NELL2: variants seen among roughly 807,000 people sequenced by gnomAD.
NELL2 encodes the protein neural EGFL like 2, also known as protein kinase C-binding protein NELL2.
In NELL2, 41 loss-of-function variants were observed where a neutral mutation model predicts 109.6. That is an observed-to-expected ratio of 0.37 (90% confidence interval 0.29 to 0.49). NELL2 has a LOEUF of 0.49. Among genes scored for constraint, NELL2 ranks in the 20% least tolerant of loss-of-function variants. The probability of loss-of-function intolerance (pLI) is 0.98; values close to 1 mark genes in which losing one functional copy is unlikely to be tolerated. For missense variants in NELL2, 900 were observed against 1,008.3 expected (o/e 0.89, Z 1.45); for synonymous variants, 355 against 344.7 (o/e 1.03, Z -0.33).
intron 11 of NELL2, among the ~76,000 whole-genome samples, chr12:44,706,471 G>T (rs1937885128): frequency 6.6e-6 from 1 of 152,084 alleles, no homozygotes; most frequent in Admixed American, 6.6e-5. Context: ...ATTCATATGT[G>T]CTTGGCTATT....
At chr12:44,915,907 G>A (rs1790790637), upstream of NELL2, among the ~76,000 whole-genome samples, 5 of 152,172 alleles carry the variant, frequency 3.3e-5, no homozygotes, top group Admixed American at 3.3e-4. Flanking sequence ...ATCAGTCCCT[G>A]CAATTTGTTT....
chr12:44,921,306 A>C (rs956618576), intron 1 of NELL2, among the ~76,000 whole-genome samples: 1 of 152,334 alleles, frequency 6.6e-6, no homozygotes, highest in African/African-American at 2.4e-5. Flanking sequence ...TATTGTGCAC[A>C]AAATACTAAG....
chr12:44,890,210 AGCT>A (rs1945518166), intron 1 of NELL2, among the ~76,000 whole-genome samples: 1 of 152,184 alleles, frequency 6.6e-6, no homozygotes, highest in African/African-American at 2.4e-5. Context: ...ATAAAGAAAG[AGCT>A]GCTGAGTGAG....
intron 1 of NELL2, among the ~76,000 whole-genome samples, chr12:44,883,118 G>A (rs974597032): frequency 1.3e-5 from 2 of 151,236 alleles, no homozygotes; most frequent in South Asian, 2.1e-4. Flanking sequence ...CAAAATGCTA[G>A]GATTATGGGT....
intron 8 of NELL2, among the ~76,000 whole-genome samples, chr12:44,775,238 T>TGTGCGTGCGCACGCACGCACACACACAG (rs1941709224): frequency 6.7e-6 from 1 of 148,806 alleles, no homozygotes; most frequent in African/African-American, 2.6e-5. Flanking sequence ...CACACACACA[T>TGTGCGTGCGCACGCACGCACACACACAG]GCATGTGCGT....
At chr12:44,681,228 C>A (rs1948487621) in intron 12 of NELL2, among the ~76,000 whole-genome samples, 2 of 149,728 alleles carry the variant, frequency 1.3e-5, no homozygotes, top group South Asian at 4.2e-4. Context: ...ATTTTGTCTA[C>A]TTTATTTGCA....
At chr12:44,625,029 T>G (rs1048982586) in intron 13 of NELL2, among the ~76,000 whole-genome samples, 5 of 144,948 alleles carry the variant, frequency 3.4e-5, no homozygotes, top group Non-Finnish European at 6.0e-5. Context: ...TATATATATA[T>G]ATATTTCTGA....
At chr12:44,725,639 G>A (rs1015292279) in intron 9 of NELL2, among the ~76,000 whole-genome samples, 1 of 152,112 alleles carries the variant, frequency 6.6e-6, no homozygotes, top group Non-Finnish European at 1.5e-5. Flanking sequence ...TTAAAAAAAT[G>A]TGGTACCTAA....
chr12:44,609,911 T>A (rs551637230), intron 14 of NELL2, among the ~76,000 whole-genome samples: 25 of 152,020 alleles, frequency 1.6e-4, no homozygotes, highest in Non-Finnish European at 3.5e-4. Context: ...TTTTGAAGCT[T>A]AAAATGCCTA....
intron 11 of NELL2, among the ~76,000 whole-genome samples, chr12:44,704,595 C>A (rs1305732638): frequency 6.6e-6 from 1 of 152,108 alleles, no homozygotes; most frequent in Admixed American, 6.6e-5. Flanking sequence ...GAAATGAAAT[C>A]TTCAAAACTG....
chr12:44,733,162 T>A (rs1939458567), intron 9 of NELL2, among the ~76,000 whole-genome samples: 1 of 151,920 alleles, frequency 6.6e-6, no homozygotes, highest in Non-Finnish European at 1.5e-5. Context: ...CCTCAAAAAA[T>A]TGAAAATAAA....
intron 2 of NELL2, among the ~76,000 whole-genome samples, chr12:44,861,372 C>A (rs1944837942): frequency 6.6e-6 from 1 of 152,180 alleles, no homozygotes; most frequent in South Asian, 2.1e-4. Flanking sequence ...CATTCTAGTG[C>A]CAAACCGGAT....
intron 2 of NELL2, among the ~76,000 whole-genome samples, chr12:44,833,865 A>G (rs1943964011): frequency 6.6e-6 from 1 of 152,244 alleles, no homozygotes; most frequent in African/African-American, 2.4e-5. Flanking sequence ...AGTCCAGGCT[A>G]GGAAAGTTGT....
intron 3 of NELL2, among the ~76,000 whole-genome samples, chr12:44,814,730 C>G (rs983959688): frequency 6.6e-6 from 1 of 152,184 alleles, no homozygotes; most frequent in Non-Finnish European, 1.5e-5. Flanking sequence ...GCCCCAAGAG[C>G]AAGCGAGATA....
chr12:44,531,828 T>C (rs920778452), intron 16 of NELL2, among the ~76,000 whole-genome samples: 1 of 152,186 alleles, frequency 6.6e-6, no homozygotes, highest in African/African-American at 2.4e-5. Context: ...TGTTTTGTTT[T>C]TCATTCCTAT....
At chr12:44,864,385 C>T (rs1944928997) in intron 2 of NELL2, among the ~76,000 whole-genome samples, 1 of 151,888 alleles carries the variant, frequency 6.6e-6, no homozygotes, top group South Asian at 2.1e-4. Context: ...AAAAAAAATT[C>T]CATGGAAATG....
At chr12:44,908,654 A>C (rs549163582) in intron 1 of NELL2, among the ~76,000 whole-genome samples, 1 of 152,088 alleles carries the variant, frequency 6.6e-6, no homozygotes, top group Admixed American at 6.6e-5. Flanking sequence ...ATGAAATTAA[A>C]GTGATCCAGG....
chr12:44,582,605 A>T (rs949929231), intron 15 of NELL2, among the ~76,000 whole-genome samples: 1 of 152,042 alleles, frequency 6.6e-6, no homozygotes, highest in Non-Finnish European at 1.5e-5. Context: ...CGAAAGGTAG[A>T]ATGCTTTAAA....
chr12:44,701,677 T>C (rs1196386861), intron 12 of NELL2, among the ~76,000 whole-genome samples: 2 of 152,178 alleles, frequency 1.3e-5, no homozygotes, highest in East Asian at 3.9e-4. Flanking sequence ...AAACGTACTA[T>C]GAATATACCT....
Sources: allele counts gnomAD v4.1 joint callset (sites outside exome capture counted in the v4.1 genomes callset), GRCh38; gene constraint gnomAD v4.1.1; transcripts MANE v1.5; gene names NCBI Gene and HGNC (gene_info 2026-07-23, HGNC 2026-07-21).